SACM1L: variants seen among roughly 807,000 people sequenced by gnomAD.
SACM1L encodes the protein SAC1 like phosphatidylinositide phosphatase, also known as phosphatidylinositol-3-phosphatase SAC1.
Under a neutral mutation model 89.5 loss-of-function variants are expected in SACM1L, and 32 were observed. The observed-to-expected ratio is 0.36, with a 90% CI of 0.27 to 0.48. The LOEUF (loss-of-function observed/expected upper bound fraction) is 0.48, where lower values mean the gene tolerates loss of function less well. Ranked by LOEUF, SACM1L falls within the 20% of genes least tolerant of loss-of-function variation. The pLI is 0.99. For missense variants in SACM1L, 543 were observed against 708.5 expected (o/e 0.77, Z 2.65); for synonymous variants, 213 against 232.8 (o/e 0.92, Z 0.77).
chr3:45,742,076 TAAAG>T (rs1176006977), intron 19 of SACM1L, among the ~76,000 whole-genome samples: 3 of 152,308 alleles, frequency 2.0e-5, no homozygotes, highest in East Asian at 1.9e-4. Context: ...CACATTTACT[TAAAG>T]AACCTCTGGA....
intron 11 of SACM1L, among the ~76,000 whole-genome samples, chr3:45,724,047 A>G (rs1485549762): frequency 6.6e-6 from 1 of 151,590 alleles, no homozygotes; most frequent in East Asian, 1.9e-4. Context: ...GGTTGTTTTC[A>G]TTTTTTGGCT....
chr3:45,705,141 A>C lies in SACM1L; in HGVS notation c.137A>C (p.Lys46Thr), dbSNP rs777275321. 1.9e-6 allele frequency: 3 copies of C among 1,604,792 alleles called. No homozygotes were observed. The highest frequency in any genetic ancestry group is 2.7e-5 in the African/African-American group (2 of 74,562). The change falls in exon 3 of 20, where the codon AAA becomes ACA. Residue 46 changes from lysine to threonine, a missense_variant. Physicochemically the swap from Lys to Thr is moderately conservative, Grantham distance 78. Transcript: ENST00000389061. ...VSTEVTLAVK[K>T]DVPPSAVTRP... ...TCTTTCCTTTCTTTTAAAGTCAAGA[A>C]AGATGTTCCTCCTTCAGCTGTCACA...
chr3:45,689,632 G>A lies in SACM1L; in HGVS notation c.32+135G>A. ...TCCTCGCATTTACCGGTTTTCCTCA[G>A]CCGGCGCGGCCTCTCCTAGGCCTCG... On this transcript the variant is annotated intron_variant, in intron 1 of 19. Coordinates refer to ENST00000389061, the MANE Select transcript of SACM1L (RefSeq NM_014016.5). The A allele has an allele frequency of 2.7e-6, 3 of 1,091,696 alleles. No individual in the cohort carries two copies. The South Asian group carries it at 4.1e-5, about 15-fold the overall frequency. The allele number at this position is 1,091,696 out of a possible 1,614,324, so 67.6% of individuals were successfully genotyped here.
At position 45,744,828 on chromosome 3, in the gene SACM1L, A is replaced by G. The variant is rs570769508; in HGVS notation, c.*1159A>G. ...TAAATATTAGAACGGTATGTAAGGT[A>G]GTATAATTACCACTATTTTAAATAA... is the stretch of plus-strand genomic sequence containing the variant. On this transcript the variant is annotated 3_prime_UTR_variant, in exon 20 of 20. Coordinates refer to ENST00000389061, the MANE Select transcript of SACM1L (RefSeq NM_014016.5). 1.5e-5 allele frequency: 2 copies of G among 132,114 alleles called. No homozygotes were observed. The highest frequency in any genetic ancestry group is 7.9e-5 in the Admixed American group (1 of 12,696). 8.2% of individuals were successfully genotyped at this position (132,114 alleles called of 1,614,324 possible).
chr3:45,739,563 A>T (rs779252199), intron 18 of SACM1L, 24 bp from the exon 19 acceptor site: 2 of 1,609,520 alleles, frequency 1.2e-6, no homozygotes, highest in Non-Finnish European at 1.7e-6. Context: ...TTAAATGATG[A>T]TCTCTTTCTA....
At chr3:45,731,990 A>G in intron 12 of SACM1L, 63 bp from the exon 13 acceptor site, 3 of 931,760 alleles carry the variant, frequency 3.2e-6, no homozygotes, top group Admixed American at 2.4e-5. Context: ...TTATGAAGGT[A>G]TTATTAATAG....
intron 7 of SACM1L, among the ~76,000 whole-genome samples, chr3:45,716,782 C>T (rs1367791592): frequency 6.6e-6 from 1 of 151,744 alleles, no homozygotes; most frequent in Non-Finnish European, 1.5e-5. Context: ...CATGGATGGC[C>T]CTGGGAGTAA....
chr3:45,730,871 T>C (rs897323406), intron 11 of SACM1L, among the ~76,000 whole-genome samples: 1 of 152,232 alleles, frequency 6.6e-6, no homozygotes, highest in Admixed American at 6.5e-5. Flanking sequence ...ACTGCCCGTG[T>C]TCAGAGATAC....
chr3:45,737,902 T>A, intron 16 of SACM1L, 58 bp downstream of exon 16: 1 of 1,408,782 alleles, frequency 7.1e-7, no homozygotes, highest in Non-Finnish European at 1.0e-6. Context: ...CTGGTGCTTT[T>A]AAAAATCACC....
At chr3:45,721,233 C>T (rs13086080) in intron 8 of SACM1L, among the ~76,000 whole-genome samples, 18,962 of 152,226 alleles carry the variant, frequency 0.12, 1,486 homozygotes, top group East Asian at 0.17. Context: ...ATAAACTAGC[C>T]TATATTCACC....
rs182570102 is a variant in SACM1L at position 45,689,911 on chromosome 3, T to C, written c.32+414T>C. On this transcript the variant is annotated intron_variant, in intron 1 of 19. Transcript: ENST00000389061. ...GGACCTACAGCAGCAATTTAGAGTC[T>C]ACGCACAAATCAACAAATCTTTGTT... is the stretch of plus-strand genomic sequence containing the variant. 15 of 220,172 alleles carry C rather than the reference T, an allele frequency of 6.8e-5. No homozygotes were observed. In the East Asian group the frequency reaches 1.6e-3, roughly 24 times the overall value. 13.6% of individuals were successfully genotyped at this position (220,172 alleles called of 1,614,324 possible). A position where few individuals can be genotyped will look rare whatever the true frequency, so the allele number is the denominator to read the frequency against.
At position 45,709,602 on chromosome 3, in the gene SACM1L, A is replaced by G. The variant is rs371834286; in HGVS notation, c.438A>G (p.Leu146=). The G allele has an allele frequency of 5.0e-6, 8 of 1,613,812 alleles. No homozygotes were observed. Among genetic ancestry groups the G allele is most frequent in the Non-Finnish European group, 6.8e-6 (8 of 1,179,884 alleles). The change falls in exon 5 of 20, where the codon CTA becomes CTG. Residue 146 remains leucine (L), a synonymous_variant. Coordinates refer to ENST00000389061, the MANE Select transcript of SACM1L (RefSeq NM_014016.5). ...ATTTGACCCATACTTTGCAGCGGCT[A>G]TCCAACACTAGTCCTGAATTCCAAG... ...TYDLTHTLQR[L]SNTSPEFQEM... is the part of the protein sequence containing the mutation.
chr3:45,721,666 T>C (rs184168790), intron 8 of SACM1L, among the ~76,000 whole-genome samples: 6 of 152,362 alleles, frequency 3.9e-5, no homozygotes, highest in Admixed American at 1.3e-4. Flanking sequence ...CTCAGGGGTC[T>C]TTGAGATTTT....
chr3:45,740,154 T>G lies in SACM1L; in HGVS notation c.1627+510T>G, dbSNP rs141482182. Reference sequence around the variant, plus strand: ...GCACTCACTGAATCCATGTTACATGTGAAAGGACGGGGTAGAGGAACAGTC... The same window carrying G: ...GCACTCACTGAATCCATGTTACATGGGAAAGGACGGGGTAGAGGAACAGTC... On this transcript the variant is annotated intron_variant, in intron 19 of 19. Transcript: ENST00000389061. 2.0e-3 allele frequency among the ~76,000 whole-genome samples: 303 copies of G among 152,286 alleles called. 7 individuals carry two copies. The highest frequency in any genetic ancestry group is 6.7e-3 in the African/African-American group (278 of 41,558).
chr3:45,713,970 C>T (rs1445404737), intron 6 of SACM1L, 76 bp from the exon 7 acceptor site: 5 of 738,356 alleles, frequency 6.8e-6, no homozygotes, highest in African/African-American at 3.6e-5. Context: ...TATTACCTCC[C>T]TATGTGTAAA....
intron 10 of SACM1L, 85 bp downstream of exon 10, chr3:45,723,040 C>T (rs752187533): frequency 9.2e-5 from 106 of 1,150,310 alleles, no homozygotes; most frequent in Non-Finnish European, 1.2e-4. Flanking sequence ...GTATTTATTC[C>T]GCATAAATCA....
intron 1 of SACM1L, among the ~76,000 whole-genome samples, chr3:45,694,966 G>A (rs1301661838): frequency 7.9e-5 from 12 of 152,110 alleles, no homozygotes; most frequent in Admixed American, 7.9e-4. Flanking sequence ...AAAGAGGATA[G>A]CATTAGAATG....
At chr3:45,696,657 T>C (rs904088903) in intron 1 of SACM1L, among the ~76,000 whole-genome samples, 5 of 152,100 alleles carry the variant, frequency 3.3e-5, no homozygotes, top group African/African-American at 1.2e-4. Flanking sequence ...TTTGTTTTTT[T>C]TTTCCTTCTA....
chr3:45,703,673 C>T, intron 2 of SACM1L, 138 bp downstream of exon 2: 3 of 506,514 alleles, frequency 5.9e-6, no homozygotes, highest in Non-Finnish European at 1.0e-5. Context: ...TTCTTGCTAC[C>T]TCATTCATAG....
Sources: allele counts gnomAD v4.1 joint callset (sites outside exome capture counted in the v4.1 genomes callset), GRCh38; gene constraint gnomAD v4.1.1; transcripts MANE v1.5; gene names NCBI Gene and HGNC (gene_info 2026-07-23, HGNC 2026-07-21).